The following DMD variants were observed in gnomAD, a reference collection of about 807,000 sequenced individuals.
DMD encodes dystrophin.
Under a neutral mutation model 330.1 loss-of-function variants are expected in DMD, and 63 were observed. The ratio of observed to expected loss-of-function variants is 0.19; its 90% CI spans 0.16 to 0.24. The LOEUF (loss-of-function observed/expected upper bound fraction) is 0.24. Among genes scored for constraint, DMD ranks in the 10% least tolerant of loss-of-function variants. The pLI, the probability that DMD is intolerant of heterozygous loss-of-function variation, is 1.00. For synonymous variants in DMD, 1,223 were observed against 959.8 expected, an observed-to-expected ratio of 1.27 and a Z score of -5.07; for missense variants, 3,344 against 2,684.1, an observed-to-expected ratio of 1.25 and a Z score of -5.43.
chrX:32,876,514 C>T (rs753913876), intron 2 of DMD, among the ~76,000 whole-genome samples: 6 of 111,556 alleles, frequency 5.4e-5, no homozygotes, highest in African/African-American at 2.0e-4. Flanking sequence ...TGAATGAATT[C>T]TTGATTCCCA....
chrX:31,703,541 C>T (rs1653208010), intron 52 of DMD, among the ~76,000 whole-genome samples: 1 of 112,181 alleles, frequency 8.9e-6, no homozygotes, highest in Non-Finnish European at 1.9e-5. Flanking sequence ...TTCCATGCTA[C>T]CTTGTGAGTT....
intron 44 of DMD, among the ~76,000 whole-genome samples, chrX:31,974,284 C>T (rs954760635): frequency 3.6e-5 from 4 of 110,330 alleles, no homozygotes; most frequent in East Asian, 5.7e-4. Flanking sequence ...AGGGAGGGTG[C>T]GCATTGGTTG....
intron 44 of DMD, among the ~76,000 whole-genome samples, chrX:32,203,952 T>C (rs2097052567): frequency 8.9e-6 from 1 of 111,804 alleles, no homozygotes; most frequent in African/African-American, 3.3e-5. Context: ...ATGTTATGTC[T>C]CAACTTTACT....
chrX:32,650,747 C>A (rs1017734642), intron 9 of DMD, among the ~76,000 whole-genome samples: 9 of 111,832 alleles, frequency 8.0e-5, no homozygotes, highest in Non-Finnish European at 1.5e-4. Context: ...CAAAGTTAAG[C>A]CCTAATGAGG....
chrX:32,503,380 ACT>A (rs2044258008), intron 18 of DMD, among the ~76,000 whole-genome samples: 1 of 111,483 alleles, frequency 9.0e-6, no homozygotes, highest in Admixed American at 9.5e-5. Flanking sequence ...ACAGAGGGAA[ACT>A]CTTTCATATA....
intron 44 of DMD, among the ~76,000 whole-genome samples, chrX:32,046,725 A>G (rs1179592585): frequency 9.0e-6 from 1 of 111,695 alleles, no homozygotes; most frequent in African/African-American, 3.2e-5. Context: ...TTTTGTTTTA[A>G]ATAATGCTTA....
intron 52 of DMD, among the ~76,000 whole-genome samples, chrX:31,707,772 G>A (rs2084310115): frequency 9.0e-6 from 1 of 111,258 alleles, no homozygotes. Flanking sequence ...AAGGTACCAC[G>A]TGTTTGCAAG....
At chrX:31,501,981 A>C (rs187177597) in intron 56 of DMD, among the ~76,000 whole-genome samples, 106 of 111,747 alleles carry the variant, frequency 9.5e-4, no homozygotes, top group African/African-American at 3.3e-3. Flanking sequence ...ACCTACAGTT[A>C]ACTCATTTTT....
At chrX:33,238,043 T>A (rs2052519695) in intron 1 of DMD, among the ~76,000 whole-genome samples, 1 of 112,615 alleles carries the variant, frequency 8.9e-6, no homozygotes, top group Non-Finnish European at 1.9e-5. Context: ...CATAAAATTG[T>A]CCCATGACAA....
At position 32,438,250 on chromosome X, in the gene DMD, T is replaced by C. The variant is rs2148193023; in HGVS notation, c.4062A>G (p.Leu1354=). 8.3e-7 allele frequency: 1 copy of C among 1,211,321 alleles called. No homozygotes were observed. The highest frequency in any genetic ancestry group is 1.1e-6 in the Non-Finnish European group (1 of 895,200). Residue 1354 remains leucine, a synonymous_variant, in exon 29 of 79, where the codon CTA becomes CTG. Coordinates refer to ENST00000357033, the MANE Select transcript of DMD (RefSeq NM_004006.3). The part of the protein sequence containing the change: ...LETFNSRWRE[L]HEEAVRRQKL... The stretch of plus-strand genomic sequence containing the variant: ...TCACTTATCTTCATACCTCTTCATG[T>C]AGTTCCCTCCAACGAGAATTAAATG...
chrX:32,440,458 T>C (rs1006115465), intron 28 of DMD, among the ~76,000 whole-genome samples: 3 of 111,593 alleles, frequency 2.7e-5, no homozygotes, highest in African/African-American at 9.7e-5. Flanking sequence ...TTGAATAATT[T>C]ATGCTCCTTA....
At chrX:32,401,536 G>C (rs1187075277) in intron 30 of DMD, among the ~76,000 whole-genome samples, 1 of 111,369 alleles carries the variant, frequency 9.0e-6, no homozygotes, top group Non-Finnish European at 1.9e-5. Context: ...TATGGAGATA[G>C]AGAGTAGAAG....
chrX:31,126,559 ACAC>A (rs1308562154), intron 78 of DMD, 80 bp downstream of exon 78: 5 of 882,511 alleles, frequency 5.7e-6, no homozygotes, highest in Non-Finnish European at 6.7e-6. Context: ...GCGTGCACAC[ACAC>A]AATTCTTACA....
Position 31,135,441 on chromosome X carries a change from C to A in DMD, c.10922-1247G>T, listed in dbSNP as rs753936408. Among the ~76,000 whole-genome samples, 15 of 112,112 alleles carry A rather than the reference C, an allele frequency of 1.3e-4. No individual in the cohort carries two copies. In the South Asian group the frequency reaches 5.6e-3, roughly 42 times the overall value. On this transcript the variant is annotated intron_variant, in intron 76 of 78. Coordinates refer to ENST00000357033, the MANE Select transcript of DMD (RefSeq NM_004006.3). ...ATGGCATATATTGGAGAGTTATGGT[C>A]CTTTCCTCTGTTACTTGGGACTACT... is the stretch of plus-strand genomic sequence containing the variant.
chrX:32,575,761 G>A, intron 13 of DMD, among the ~76,000 whole-genome samples: 1 of 111,753 alleles, frequency 8.9e-6, no homozygotes, highest in Middle Eastern at 4.6e-3. Context: ...CTGACGTGAT[G>A]ATGCAGATCT....
chrX:32,106,488 C>G (rs995319561), intron 44 of DMD, among the ~76,000 whole-genome samples: 7 of 111,703 alleles, frequency 6.3e-5, no homozygotes, highest in Non-Finnish European at 1.3e-4. Flanking sequence ...CAATATGAAA[C>G]ACTAGGATGA....
chrX:31,221,364 G>A (rs977022322), intron 64 of DMD, among the ~76,000 whole-genome samples: 2 of 112,128 alleles, frequency 1.8e-5, no homozygotes, highest in Non-Finnish European at 3.8e-5. Context: ...CTGGAATTCT[G>A]TGCTTTAGCC....
At chrX:33,138,668 G>T (rs1433307504) in intron 1 of DMD, among the ~76,000 whole-genome samples, 3 of 110,607 alleles carry the variant, frequency 2.7e-5, no homozygotes, top group Non-Finnish European at 5.7e-5. Context: ...TTTTGCCTTG[G>T]AGTAGTGTTT....
intron 51 of DMD, among the ~76,000 whole-genome samples, chrX:31,771,952 C>T (rs991980102): frequency 1.2e-4 from 13 of 111,787 alleles, no homozygotes; most frequent in African/African-American, 3.9e-4. Flanking sequence ...CTCACAAACC[C>T]GTCACAAGGA....
Sources: allele counts gnomAD v4.1 joint callset (sites outside exome capture counted in the v4.1 genomes callset), GRCh38; gene constraint gnomAD v4.1.1; transcripts MANE v1.5; gene names NCBI Gene and HGNC (gene_info 2026-07-23, HGNC 2026-07-21).